Variants in AFAP1 observed in about 807,000 individuals in gnomAD.
The protein encoded by AFAP1 is actin filament-associated protein 1.
In AFAP1, 75 loss-of-function variants were observed where a neutral mutation model predicts 93.9. The observed-to-expected ratio is 0.80, with a 90% CI of 0.66 to 0.97. The LOEUF is 0.97. AFAP1 is among the 50% of genes least tolerant of loss of function. The probability of loss-of-function intolerance (pLI) is 0.00; values close to 1 mark genes in which losing one functional copy is unlikely to be tolerated. For missense variants in AFAP1, 1,201 were observed against 1,050.8 expected (o/e 1.14, Z -1.98); for synonymous variants, 517 against 430.7 (o/e 1.20, Z -2.48).
chr4:7,833,334 G>A (rs1711852902), intron 6 of AFAP1, among the ~76,000 whole-genome samples: 1 of 152,068 alleles, frequency 6.6e-6, no homozygotes, highest in Admixed American at 6.5e-5. Context: ...TCAAAAGTGG[G>A]CTAAGGACAT....
intron 1 of AFAP1, among the ~76,000 whole-genome samples, chr4:7,935,458 A>G (rs2149248225): frequency 6.6e-6 from 1 of 152,314 alleles, no homozygotes; most frequent in African/African-American, 2.4e-5. Flanking sequence ...GAAATAATAG[A>G]CACCTATACA....
chr4:7,873,221 C>A (rs1170625895), intron 1 of AFAP1, among the ~76,000 whole-genome samples: 2 of 107,480 alleles, frequency 1.9e-5, no homozygotes, highest in Admixed American at 2.3e-4. Flanking sequence ...CCAGCCTGGG[C>A]GACAGTGGGA....
At chr4:7,930,458 G>A (rs1391026751) in intron 1 of AFAP1, among the ~76,000 whole-genome samples, 1 of 152,040 alleles carries the variant, frequency 6.6e-6, no homozygotes, top group Admixed American at 6.6e-5. Flanking sequence ...GTAGGGGTAG[G>A]GCTGGTATGT....
chr4:7,838,429 T>C (rs1712571966), intron 6 of AFAP1, 95 bp downstream of exon 6: 2 of 1,406,514 alleles, frequency 1.4e-6, no homozygotes, highest in Non-Finnish European at 1.9e-6. Flanking sequence ...ATCTTGCCTA[T>C]GCTTGAACAA....
At chr4:7,928,676 A>G (rs556479008) in intron 1 of AFAP1, among the ~76,000 whole-genome samples, 23 of 152,160 alleles carry the variant, frequency 1.5e-4, no homozygotes, top group Non-Finnish European at 2.4e-4. Flanking sequence ...GTGAGCCACC[A>G]CGCCTGGCCT....
At chr4:7,822,124 G>A (rs1721020019) in intron 6 of AFAP1, among the ~76,000 whole-genome samples, 1 of 152,054 alleles carries the variant, frequency 6.6e-6, no homozygotes, top group African/African-American at 2.4e-5. Context: ...ATTTTTATTT[G>A]ATTTGAGGAC....
At chr4:7,810,663 T>C (rs1048331699) in intron 8 of AFAP1, among the ~76,000 whole-genome samples, 9 of 152,168 alleles carry the variant, frequency 5.9e-5, no homozygotes, top group South Asian at 2.1e-4. Context: ...TTTTGAAACA[T>C]AGAACTCATA....
intron 9 of AFAP1, among the ~76,000 whole-genome samples, chr4:7,804,496 C>G (rs1291894443): frequency 4.6e-5 from 3 of 65,514 alleles, no homozygotes; most frequent in African/African-American, 2.0e-4. Flanking sequence ...AAATAGAAAA[C>G]TAACTTTACA....
At chr4:7,766,944 T>C (rs953018041) in intron 17 of AFAP1, among the ~76,000 whole-genome samples, 16 of 151,346 alleles carry the variant, frequency 1.1e-4, no homozygotes, top group Admixed American at 2.0e-4. Flanking sequence ...GCAGCGGGCA[T>C]AGCGCTTCCC....
At chr4:7,795,962 G>A (rs1011516428) in intron 10 of AFAP1, among the ~76,000 whole-genome samples, 5 of 152,140 alleles carry the variant, frequency 3.3e-5, no homozygotes, top group Admixed American at 2.6e-4. Flanking sequence ...GATAGGTATA[G>A]ACATAGAGAC....
chr4:7,769,098 TAA>T (rs934986484), intron 16 of AFAP1, 90 bp from the exon 17 acceptor site: 55 of 1,473,766 alleles, frequency 3.7e-5, no homozygotes, highest in Non-Finnish European at 4.7e-5. Flanking sequence ...AAGGAAGAAA[TAA>T]GTTTTGGAAA....
At chr4:7,818,306 T>A (rs994707192) in intron 7 of AFAP1, among the ~76,000 whole-genome samples, 1 of 152,206 alleles carries the variant, frequency 6.6e-6, no homozygotes, top group Non-Finnish European at 1.5e-5. Context: ...TCCATAATCA[T>A]GTGAACCAAT....
chr4:7,893,325 A>C (rs1718578994), intron 1 of AFAP1, among the ~76,000 whole-genome samples: 1 of 152,204 alleles, frequency 6.6e-6, no homozygotes, highest in African/African-American at 2.4e-5. Flanking sequence ...TCACGCCTGT[A>C]ATCCCAACAC....
chr4:7,858,706 C>T (rs1217886747), intron 3 of AFAP1, among the ~76,000 whole-genome samples: 1 of 152,190 alleles, frequency 6.6e-6, no homozygotes, highest in Non-Finnish European at 1.5e-5. Flanking sequence ...CCACTCACAT[C>T]CAAGGCTGGC....
intron 5 of AFAP1, among the ~76,000 whole-genome samples, chr4:7,841,372 G>C (rs1712993856): frequency 6.6e-6 from 1 of 152,224 alleles, no homozygotes; most frequent in Non-Finnish European, 1.5e-5. Context: ...CTTCAATGCA[G>C]ACAGTCCCCG....
chr4:7,867,581 A>G (rs1054378662), intron 3 of AFAP1, among the ~76,000 whole-genome samples: 1 of 152,196 alleles, frequency 6.6e-6, no homozygotes, highest in African/African-American at 2.4e-5. Flanking sequence ...TTTGAAATAA[A>G]TGTTGCAATC....
chr4:7,895,507 T>C (rs1487252722), intron 1 of AFAP1, among the ~76,000 whole-genome samples: 4 of 152,198 alleles, frequency 2.6e-5, no homozygotes, highest in Non-Finnish European at 5.9e-5. Context: ...ACATAGTAAG[T>C]GCTCAAAATC....
At chr4:7,829,939 G>C (rs750691227) in intron 6 of AFAP1, among the ~76,000 whole-genome samples, 19 of 152,228 alleles carry the variant, frequency 1.2e-4, no homozygotes, top group Non-Finnish European at 2.6e-4. Context: ...AGAATTGTCT[G>C]TAATATCAAA....
rs1228181484 is a variant in AFAP1 at position 7,816,116 on chromosome 4, A to G, written c.823-17T>C. The G allele has an allele frequency of 1.2e-6, 2 of 1,600,488 alleles. No homozygotes were observed. Among genetic ancestry groups the G allele is most frequent in the South Asian group, 1.1e-5 (1 of 89,652 alleles). ...AGACAGTTTCTGTAAGGAGAAAAAG[A>G]TTAAGTTATTCTTACAGTGGTCACT... On this transcript the variant is annotated splice_polypyrimidine_tract_variant and intron_variant, in intron 7 of 17. Coordinates refer to ENST00000420658, the MANE Select transcript of AFAP1 (RefSeq NM_001134647.2).
Sources: allele counts gnomAD v4.1 joint callset (sites outside exome capture counted in the v4.1 genomes callset), GRCh38; gene constraint gnomAD v4.1.1; transcripts MANE v1.5; gene names NCBI Gene and HGNC (gene_info 2026-07-23, HGNC 2026-07-21).